NBPF26: variants seen among roughly 807,000 people sequenced by gnomAD.
NBPF26 encodes NBPF family member NBPF26.
In NBPF26, 79 loss-of-function variants were observed where a neutral mutation model predicts 119.6. The observed-to-expected ratio is 0.66, with a 90% confidence interval of 0.55 to 0.80. The LOEUF is 0.80. Ranked by LOEUF, NBPF26 falls within the 30% of genes least tolerant of loss-of-function variation. The probability of loss-of-function intolerance (pLI) is 0.00; values close to 1 mark genes in which losing one functional copy is unlikely to be tolerated. For synonymous variants in NBPF26, 299 were observed against 457.7 expected, an observed-to-expected ratio of 0.65 and a Z score of 4.43; for missense variants, 800 against 1,198.2, an observed-to-expected ratio of 0.67 and a Z score of 4.91.
chr1:120,808,045 G>T (rs1232306305), intron 6 of NBPF26, among the ~76,000 whole-genome samples: 1 of 120,784 alleles, frequency 8.3e-6, no homozygotes, highest in Non-Finnish European at 1.7e-5. Flanking sequence ...CTTACCCTTA[G>T]TGAGAATCAC....
In NBPF26 at chr1:120,784,003, A is replaced by G. The variant is rs1158065307; in HGVS notation, c.156-971A>G. Among the ~76,000 whole-genome samples, 196 of 112,526 alleles carry G rather than the reference A, an allele frequency of 1.7e-3. 11 individuals carry two copies. Among genetic ancestry groups the G allele is most frequent in the South Asian group, 9.0e-3 (34 of 3,778 alleles). 73.8% of individuals were successfully genotyped at this position (112,526 alleles called of 152,430 possible). ...ATAATTAGAATTAAAGTTTTGTTGC[A>G]GAGGGATAAGTAAGAAGTAGATGGA... On this transcript the variant is annotated intron_variant, in intron 2 of 29. Coordinates refer to ENST00000620612, the Ensembl canonical transcript of NBPF26.
chr1:120,810,142 G>A (rs1651822833), intron 8 of NBPF26, among the ~76,000 whole-genome samples: 2 of 123,084 alleles, frequency 1.6e-5, no homozygotes, highest in Admixed American at 1.5e-4. Flanking sequence ...CTGAACACCA[G>A]CTGCTCTCTT....
In NBPF26 at chr1:120,823,964, A is replaced by T; in HGVS notation, c.2640-10A>T. The T allele has an allele frequency of 4.1e-6, 3 of 731,290 alleles. 1 individual carries two copies. Among genetic ancestry groups the T allele is most frequent in the Non-Finnish European group, 6.4e-6 (3 of 467,788 alleles). 45.3% of individuals were successfully genotyped at this position (731,290 alleles called of 1,614,324 possible). ...CCTGGCTTATTCTTTACTTTTTCCC[A>T]CTTTTCCAGGCTCAGCAGAGAGCTG... On this transcript the variant is annotated splice_polypyrimidine_tract_variant and intron_variant, in intron 17 of 29. Coordinates refer to ENST00000620612, the Ensembl canonical transcript of NBPF26.
chr1:120,778,266 C>G (rs1247479659), intron 2 of NBPF26, among the ~76,000 whole-genome samples: 3 of 52,016 alleles, frequency 5.8e-5, no homozygotes, highest in Non-Finnish European at 6.4e-5. Context: ...CAGCTCCCCC[C>G]TCTAGAGCTC....
At chr1:120,810,176 A>G (rs1488379224) in intron 8 of NBPF26, among the ~76,000 whole-genome samples, 171 bp from the exon 9 acceptor site, 1 of 120,264 alleles carries the variant, frequency 8.3e-6, no homozygotes, top group Non-Finnish European at 1.6e-5. Flanking sequence ...CATGGCAGCC[A>G]TGCTCTGTTG....
chr1:120,783,752 A>G lies in NBPF26; in HGVS notation c.156-1222A>G, dbSNP rs1462463460. On this transcript the variant is annotated intron_variant, in intron 2 of 29. Transcript: ENST00000620612. ...TCCAGACTTAAACGTTAGGGTGGCC[A>G]TAATATATGGGGAAGAAGGAGAAAT... Among the ~76,000 whole-genome samples, 10 of 117,432 alleles carry G rather than the reference A, an allele frequency of 8.5e-5. 4 individuals are homozygous for G. The highest frequency in any genetic ancestry group is 5.0e-4 in the African/African-American group (10 of 20,106). The allele number at this position is 117,432 out of a possible 152,430, so 77.0% of individuals were successfully genotyped here. A position where few individuals can be genotyped will look rare whatever the true frequency, so the allele number is the denominator to read the frequency against.
At chr1:120,801,242 CTATA>C (rs1207352965) in intron 4 of NBPF26, among the ~76,000 whole-genome samples, 1 of 108,078 alleles carries the variant, frequency 9.3e-6, no homozygotes, top group Admixed American at 9.1e-5. Context: ...ACAAGTACAT[CTATA>C]TATAGAGAAA....
chr1:120,807,770 G>A, intron 6 of NBPF26, 61 bp downstream of exon 6: 2 of 699,390 alleles, frequency 2.9e-6, no homozygotes, highest in Non-Finnish European at 4.7e-6. Flanking sequence ...AAGTACAGCA[G>A]CTCGGTGGGG....
At chr1:120,745,120 C>CA (rs1180453854) in intron 1 of NBPF26, among the ~76,000 whole-genome samples, 36 of 36,562 alleles carry the variant, frequency 9.8e-4, no homozygotes, top group South Asian at 3.9e-3. Context: ...ATCCTGTCTC[C>CA]AAAAAAAAAA....
chr1:120,840,273 T>A, intron 29 of NBPF26, 77 bp from the exon 36 acceptor site: 1 of 1,442,586 alleles, frequency 6.9e-7, no homozygotes, highest in Non-Finnish European at 9.3e-7. Flanking sequence ...CTTCCTTATG[T>A]TACTTCTGAA....
rs1158720554 is a variant in NBPF26, at chr1:120,817,018, C to T, written c.2371+191C>T. On this transcript the variant is annotated intron_variant, in intron 14 of 29. Transcript: ENST00000620612. ...TCTGCCAGTCCCCAGTATCAAGTTA[C>T]TCAACCCCAGGCAAGTGTGACAATC... is the stretch of plus-strand genomic sequence containing the variant. 4.2e-5 allele frequency among the ~76,000 whole-genome samples: 5 copies of T among 119,082 alleles called. 1 individual carries two copies. In the East Asian group the frequency reaches 1.0e-3, roughly 24 times the overall value. The allele number at this position is 119,082 out of a possible 152,430, so 78.1% of individuals were successfully genotyped here. A position where few individuals can be genotyped will look rare whatever the true frequency, so the allele number is the denominator to read the frequency against.
rs1172538490 is a variant in NBPF26, at chr1:120,765,990, G to T, written c.155+2281G>T. On this transcript the variant is annotated intron_variant, in intron 2 of 29. Coordinates refer to ENST00000620612, the Ensembl canonical transcript of NBPF26. ...CACTGGGGCCTGTCAGGGGGTGGGG[G>T]GAAAGGGAGGGGAGAGCATTAGGAT... Among the ~76,000 whole-genome samples, 2 of 30,512 alleles carry T rather than the reference G, an allele frequency of 6.6e-5. 1 individual carries two copies. The highest frequency in any genetic ancestry group is 1.1e-4 in the Non-Finnish European group (2 of 17,640). 20.0% of individuals were successfully genotyped at this position (30,512 alleles called of 152,430 possible).
chr1:120,767,918 A>T lies in NBPF26; in HGVS notation c.155+4209A>T, dbSNP rs1390810925. Among the ~76,000 whole-genome samples the T allele has an allele frequency of 4.2e-5, 5 of 117,852 alleles. 1 individual carries two copies. Among genetic ancestry groups the T allele is most frequent in the East Asian group, 2.1e-4 (1 of 4,782 alleles). 77.3% of individuals were successfully genotyped at this position (117,852 alleles called of 152,430 possible). ...AATCTTTGTCTGCTGGTTCTTAACA[A>T]CTGGGTTGTCTATGGATGTGTTTCT... is the stretch of plus-strand genomic sequence containing the variant. On this transcript the variant is annotated intron_variant, in intron 2 of 29. Coordinates refer to ENST00000620612, the Ensembl canonical transcript of NBPF26.
chr1:120,823,041 A>C lies in NBPF26; in HGVS notation c.2588-268A>C, dbSNP rs1469885386. 1.6e-5 allele frequency among the ~76,000 whole-genome samples: 2 copies of C among 122,670 alleles called. 1 individual carries two copies. Among genetic ancestry groups the C allele is most frequent in the Non-Finnish European group, 3.3e-5 (2 of 60,774 alleles). 80.5% of individuals were successfully genotyped at this position (122,670 alleles called of 152,430 possible). ...TTTGCCTACAATTTATTGGGGAAAA[A>C]ATTGCTCATTTGTGTACATAAACCT... On this transcript the variant is annotated intron_variant, in intron 16 of 29. Coordinates refer to ENST00000620612, the Ensembl canonical transcript of NBPF26.
chr1:120,812,924 T>A (rs1314893930), intron 10 of NBPF26, among the ~76,000 whole-genome samples: 1 of 10,910 alleles, frequency 9.2e-5, no homozygotes, highest in Non-Finnish European at 1.7e-4. Context: ...CTGCTAAAAA[T>A]AATAATAATA....
At position 120,811,965 on chromosome 1, in the gene NBPF26, A is replaced by G. The variant is rs1486353770; in HGVS notation, c.1644A>G (p.Ile548Met). The change falls in exon 10 of 30, where the codon ATA becomes ATG. Residue 548 changes from isoleucine (I) to methionine (M), a missense_variant. Physicochemically the swap from Ile to Met is conservative, Grantham distance 10. Coordinates refer to ENST00000620612, the Ensembl canonical transcript of NBPF26. ...CTTTGTCCGGCGAGAAGGCAGCGATAAACATTCTAGAAATCAATGAGAAAT... is the reference window on the plus strand; with the variant it reads ...CTTTGTCCGGCGAGAAGGCAGCGATGAACATTCTAGAAATCAATGAGAAAT... 1.4e-4 allele frequency: 176 copies of G among 1,224,824 alleles called. 37 individuals are homozygous for G. Among genetic ancestry groups the G allele is most frequent in the South Asian group, 4.7e-4 (37 of 78,230 alleles). The allele number at this position is 1,224,824 out of a possible 1,614,324, so 75.9% of individuals were successfully genotyped here.
chr1:120,818,964 GT>G (rs1557991100), intron 15 of NBPF26, among the ~76,000 whole-genome samples: 1 of 98,678 alleles, frequency 1.0e-5, no homozygotes, highest in African/African-American at 5.6e-5. Context: ...TGTTGATTTG[GT>G]GTGGAGAGTT....
chr1:120,832,321 G>A (rs1652355614), intron 22 of NBPF26, among the ~76,000 whole-genome samples, 161 bp downstream of exon 26: 1 of 93,596 alleles, frequency 1.1e-5, no homozygotes, highest in African/African-American at 8.8e-5. Flanking sequence ...CTACCTGGAA[G>A]CCCAGACAAG....
intron 2 of NBPF26, among the ~76,000 whole-genome samples, chr1:120,776,051 A>T (rs1651304227): frequency 1.8e-5 from 2 of 112,218 alleles, no homozygotes. Flanking sequence ...GTGTATTTAT[A>T]GGGTCTTTTT....
Sources: allele counts gnomAD v4.1 joint callset (sites outside exome capture counted in the v4.1 genomes callset), GRCh38; gene constraint gnomAD v4.1.1; transcripts MANE v1.5; gene names NCBI Gene and HGNC (gene_info 2026-07-23, HGNC 2026-07-21).